The following DYNC1H1 variants were observed in gnomAD, a reference collection of about 807,000 sequenced individuals.
DYNC1H1 encodes the protein dynein cytoplasmic 1 heavy chain 1, also known as cytoplasmic dynein 1 heavy chain 1.
DYNC1H1 carries 51 observed loss-of-function variants against 527.1 expected under a neutral mutation model. The observed-to-expected ratio is 0.10, with a 90% CI of 0.08 to 0.12. The LOEUF (loss-of-function observed/expected upper bound fraction) is 0.12, where lower values mean the gene tolerates loss of function less well. DYNC1H1 is among the 10% of genes least tolerant of loss of function. DYNC1H1 has a pLI of 1.00. For missense variants in DYNC1H1, 2,771 were observed against 5,971.8 expected, an observed-to-expected ratio of 0.46 and a Z score of 17.66; for synonymous variants, 2,189 against 2,278.8, an observed-to-expected ratio of 0.96 and a Z score of 1.12.
At position 102,032,411 on chromosome 14, in the gene DYNC1H1, C is replaced by T; in HGVS notation, c.10023C>T (p.Ile3341=). Residue 3341 remains isoleucine (I), a synonymous_variant, in exon 52 of 78, where the codon ATC becomes ATT. Transcript: ENST00000360184. The part of the protein sequence containing the change: ...STTDWKQIRS[I]IMRENFIPTI... The stretch of plus-strand genomic sequence containing the variant: ...CAGACTGGAAGCAGATCCGCTCCAT[C>T]ATCATGCGGGAGAACTTCATCCCCA... 6.2e-7 allele frequency: 1 copy of T among 1,614,252 alleles called. No homozygotes were observed. Among genetic ancestry groups the T allele is most frequent in the Non-Finnish European group, 8.5e-7 (1 of 1,180,056 alleles).
intron 16 of DYNC1H1, among the ~76,000 whole-genome samples, chr14:101,999,666 T>C (rs1003021560): frequency 1.3e-5 from 2 of 152,242 alleles, no homozygotes; most frequent in Non-Finnish European, 2.9e-5. Flanking sequence ...GTTTGTCCTC[T>C]TCTATCACTG....
Position 101,986,468 on chromosome 14 carries a change from A to G in DYNC1H1, c.2243A>G (p.Lys748Arg). 1 of 1,614,192 alleles carries G rather than the reference A, an allele frequency of 6.2e-7. No individual in the cohort carries two copies. Among genetic ancestry groups the G allele is most frequent in the Non-Finnish European group, 8.5e-7 (1 of 1,180,036 alleles). Residue 748 changes from lysine to arginine, a missense_variant, in exon 8 of 78, where the codon AAA (lysine) becomes AGA (arginine). Physicochemically the swap from Lys to Arg is conservative, Grantham distance 26. Coordinates refer to ENST00000360184, the MANE Select transcript of DYNC1H1 (RefSeq NM_001376.5). This position sits in a 1 kb window ranked among gnomAD's most constrained non-coding sequence, Gnocchi z 8.7. ...NFLPEIITLS[K>R]EVRNLKWLGF... ...CTTCCTGAGATTATCACACTATCCAAAGAAGTCCGGAACCTCAAATGGCTT... is the reference window on the plus strand; with the variant it reads ...CTTCCTGAGATTATCACACTATCCAGAGAAGTCCGGAACCTCAAATGGCTT...
At position 101,986,897 on chromosome 14, in the gene DYNC1H1, GA is replaced by G; in HGVS notation, c.2538+135del. On this transcript the variant is annotated intron_variant, in intron 8 of 77. Transcript: ENST00000360184. This position sits in a 1 kb window ranked among gnomAD's most constrained non-coding sequence, Gnocchi z 8.7. ...GCATACGGCCATGTGAGCTGCAAGGGAGGAGGACCCTTTGTACTCACCGGGC... is the reference window on the plus strand; with the variant it reads ...GCATACGGCCATGTGAGCTGCAAGGGGGAGGACCCTTTGTACTCACCGGGC... 9.0e-7 allele frequency: 1 copy of G among 1,113,990 alleles called. No homozygotes were observed. The highest frequency in any genetic ancestry group is 1.4e-6 in the Non-Finnish European group (1 of 738,886). 69.0% of individuals were successfully genotyped at this position (1,113,990 alleles called of 1,614,324 possible).
chr14:102,049,434 C>T lies in DYNC1H1; in HGVS notation c.13373-6C>T. 1.9e-6 allele frequency: 3 copies of T among 1,613,966 alleles called. No homozygotes were observed. Among genetic ancestry groups the T allele is most frequent in the Non-Finnish European group, 2.5e-6 (3 of 1,180,024 alleles). The stretch of plus-strand genomic sequence containing the variant: ...ACACCCTGGGCTCTGTGTGCCTTGG[C>T]TGCAGGGATCTTGCCTCGGAGCTGG... On this transcript the variant is annotated splice_region_variant and splice_polypyrimidine_tract_variant and intron_variant, in intron 74 of 77. Transcript: ENST00000360184. The surrounding 1 kb of genome is among the most constrained non-coding windows in gnomAD (Gnocchi z 5.5).
At chr14:101,987,355 G>C in intron 8 of DYNC1H1, 98 bp from the exon 9 acceptor site, 1 of 1,326,182 alleles carries the variant, frequency 7.5e-7, no homozygotes, top group Non-Finnish European at 1.1e-6. Flanking sequence ...TGTGCCTGGA[G>C]CATTTGTCAA....
At chr14:101,966,624 T>C (rs1197876970) in intron 1 of DYNC1H1, among the ~76,000 whole-genome samples, 1 of 152,180 alleles carries the variant, frequency 6.6e-6, no homozygotes, top group African/African-American at 2.4e-5. Context: ...TAAAGTTAAT[T>C]GTATTTTGAG....
chr14:102,001,295 G>A lies in DYNC1H1; in HGVS notation c.4336G>A (p.Val1446Ile), dbSNP rs367614843. 15 of 1,614,106 alleles carry A rather than the reference G, an allele frequency of 9.3e-6. No individual in the cohort carries two copies. Among genetic ancestry groups the A allele is most frequent in the African/African-American group, 5.3e-5 (4 of 74,944 alleles). The change falls in exon 20 of 78, where the codon GTC becomes ATC. Residue 1446 changes from valine (V) to isoleucine (I), a missense_variant. Val to Ile is a conservative substitution (Grantham distance 29). This residue lies in a region of DYNC1H1 where 223 missense variants were observed against 462.5 expected (regional missense o/e 0.48). Coordinates refer to ENST00000360184, the MANE Select transcript of DYNC1H1 (RefSeq NM_001376.5). This position sits in a 1 kb window ranked among gnomAD's most constrained non-coding sequence, Gnocchi z 5.0. ...DVDLQKNEAI[V>I]KDVLLVAQGE... ...TGACTTGCAGAAAAATGAAGCGATTGTCAAGGATGTACTGCTTGTGGCACA... is the reference window on the plus strand; with the variant it reads ...TGACTTGCAGAAAAATGAAGCGATTATCAAGGATGTACTGCTTGTGGCACA...
chr14:101,974,573 T>A (rs554451132), intron 1 of DYNC1H1, among the ~76,000 whole-genome samples: 1 of 152,354 alleles, frequency 6.6e-6, no homozygotes, highest in Admixed American at 6.5e-5. Context: ...GATGTAGAGG[T>A]TTAGATTATT....
chr14:102,033,778 C>A lies in DYNC1H1; in HGVS notation c.10414-198C>A. The A allele has an allele frequency of 1.4e-6, 1 of 705,726 alleles. No homozygotes were observed. The highest frequency in any genetic ancestry group is 2.4e-6 in the Non-Finnish European group (1 of 416,760). The allele number at this position is 705,726 out of a possible 1,614,324, so 43.7% of individuals were successfully genotyped here. A position where few individuals can be genotyped will look rare whatever the true frequency, so the allele number is the denominator to read the frequency against. ...GCCTCGCTCCGTACCCAGCTTCTGC[C>A]CCGCTGAGATTCTGAGTCGTGTGTG... On this transcript the variant is annotated intron_variant, in intron 54 of 77. Coordinates refer to ENST00000360184, the MANE Select transcript of DYNC1H1 (RefSeq NM_001376.5). The surrounding 1 kb of genome is among the most constrained non-coding windows in gnomAD (Gnocchi z 5.6).
rs903336384 is a variant in DYNC1H1, at chr14:102,042,208, A to G, written c.12215-20A>G. ...GATGTCCGAGGCTGCCGCTGCTAAC[A>G]CTAAGTTTCCCTGCACCAGGCTCTG... On this transcript the variant is annotated intron_variant, in intron 66 of 77. Transcript: ENST00000360184. The surrounding 1 kb of genome is among the most constrained non-coding windows in gnomAD (Gnocchi z 5.7). 7.4e-6 allele frequency: 12 copies of G among 1,613,878 alleles called. No homozygotes were observed. The highest frequency in any genetic ancestry group is 1.3e-5 in the African/African-American group (1 of 74,862).
In DYNC1H1 at chr14:101,997,337, C is replaced by G. The variant is rs930964462; in HGVS notation, c.3804+63C>G. On this transcript the variant is annotated intron_variant, in intron 16 of 77. Coordinates refer to ENST00000360184, the MANE Select transcript of DYNC1H1 (RefSeq NM_001376.5). This position sits in a 1 kb window ranked among gnomAD's most constrained non-coding sequence, Gnocchi z 4.8. Reference sequence around the variant, plus strand: ...CCCAGCAGTGTGATTTGGTGACTTTCTTTCAAGCCTAAAAGGCCTTGCTGT... The same window carrying G: ...CCCAGCAGTGTGATTTGGTGACTTTGTTTCAAGCCTAAAAGGCCTTGCTGT... The G allele has an allele frequency of 7.4e-6, 12 of 1,611,384 alleles. No homozygotes were observed. The highest frequency in any genetic ancestry group is 1.0e-5 in the Non-Finnish European group (12 of 1,179,370).
At position 102,019,912 on chromosome 14, in the gene DYNC1H1, C is replaced by T; in HGVS notation, c.8363C>T (p.Thr2788Ile). 1 of 1,614,196 alleles carries T rather than the reference C, an allele frequency of 6.2e-7. No individual in the cohort carries two copies. The highest frequency in any genetic ancestry group is 8.5e-7 in the Non-Finnish European group (1 of 1,180,030). The change falls in exon 42 of 78, where the codon ACA (threonine) becomes ATA (isoleucine). Residue 2788 changes from threonine (T) to isoleucine (I), a missense_variant. This residue lies in a region of DYNC1H1 where 163 missense variants were observed against 346.9 expected (regional missense o/e 0.47). Transcript: ENST00000360184. ...TMSQERFTQD[T>I]QPHYIYSPRE... is the part of the protein sequence containing the mutation. ...CCATAGGAGAGATTCACCCAGGATA[C>T]ACAACCTCACTATATCTATTCACCC... is the stretch of plus-strand genomic sequence containing the variant.
intron 72 of DYNC1H1, chr14:102,045,302 C>CAA (rs34968643): frequency 1.7e-4 from 15 of 87,692 alleles, no homozygotes; most frequent in African/African-American, 3.1e-4. Context: ...GACTCTGTCT[C>CAA]AAAAAAAAAA....
rs570911211 is a variant in DYNC1H1 at position 102,020,576 on chromosome 14, G to A, written c.8507+520G>A. 3.9e-5 allele frequency among the ~76,000 whole-genome samples: 6 copies of A among 152,210 alleles called. No individual in the cohort carries two copies. The South Asian group carries it at 8.3e-4, about 21-fold the overall frequency. The stretch of plus-strand genomic sequence containing the variant: ...AAAGGCTTTGCAGCTGCAGCTCTGG[G>A]GCACTGGTTTTCTCTTTTACCTGTT... On this transcript the variant is annotated intron_variant, in intron 42 of 77. Transcript: ENST00000360184. The surrounding 1 kb of genome is among the most constrained non-coding windows in gnomAD (Gnocchi z 4.3).
Position 102,027,920 on chromosome 14 carries a change from A to G in DYNC1H1, c.9264-17A>G, listed in dbSNP as rs1417721819. On this transcript the variant is annotated splice_polypyrimidine_tract_variant and intron_variant, in intron 47 of 77. Transcript: ENST00000360184. This position sits in a 1 kb window ranked among gnomAD's most constrained non-coding sequence, Gnocchi z 7.7. ...CTGCCCCTCATAGCTGTCCTGAAAC[A>G]TGGGCCTCTTTCTCAGGTGTGTGTT... is the stretch of plus-strand genomic sequence containing the variant. 6.2e-7 allele frequency: 1 copy of G among 1,614,064 alleles called. No homozygotes were observed. Among genetic ancestry groups the G allele is most frequent in the Non-Finnish European group, 8.5e-7 (1 of 1,180,040 alleles).
In DYNC1H1 at chr14:101,986,933, G is replaced by T. The variant is rs1016277388; in HGVS notation, c.2538+170G>T. Reference sequence around the variant, plus strand: ...TTTGTACTCACCGGGCTATTTAATGGTGCTGGGTTTTAGGGAGGCCATTAA... The same window carrying T: ...TTTGTACTCACCGGGCTATTTAATGTTGCTGGGTTTTAGGGAGGCCATTAA... On this transcript the variant is annotated intron_variant, in intron 8 of 77. Coordinates refer to ENST00000360184, the MANE Select transcript of DYNC1H1 (RefSeq NM_001376.5). The surrounding 1 kb of genome is among the most constrained non-coding windows in gnomAD (Gnocchi z 8.7). 6.6e-6 allele frequency among the ~76,000 whole-genome samples: 1 copy of T among 152,228 alleles called. No homozygotes were observed. The highest frequency in any genetic ancestry group is 1.5e-5 in the Non-Finnish European group (1 of 68,042).
At position 102,038,478 on chromosome 14, in the gene DYNC1H1, C is replaced by T. The variant is rs1382922601; in HGVS notation, c.10927C>T (p.Pro3643Ser). The change falls in exon 58 of 78, where the codon CCA (proline) becomes TCA (serine). Residue 3643 changes from proline to serine, a missense_variant. Physicochemically the swap from Pro to Ser is moderately conservative, Grantham distance 74 (BLOSUM62 -1). This residue lies in a region of DYNC1H1 where 283 missense variants were observed against 737.6 expected (regional missense o/e 0.38). Coordinates refer to ENST00000360184, the MANE Select transcript of DYNC1H1 (RefSeq NM_001376.5). This position sits in a 1 kb window ranked among gnomAD's most constrained non-coding sequence, Gnocchi z 7.2. ...AATGCAGGATGTGGAAAGCTACGAT[C>T]CAGTTTTGAACCCGGTGCTGAACCG... ...LLVQDVESYD[P>S]VLNPVLNREV... 6.2e-7 allele frequency: 1 copy of T among 1,613,972 alleles called. No homozygotes were observed. The highest frequency in any genetic ancestry group is 8.5e-7 in the Non-Finnish European group (1 of 1,180,046).
intron 34 of DYNC1H1, among the ~76,000 whole-genome samples, chr14:102,013,490 A>G (rs1386179516): frequency 1.4e-5 from 2 of 147,092 alleles, no homozygotes; most frequent in Non-Finnish European, 3.0e-5. Context: ...GCAAAGGAAC[A>G]CACAGCAGGA....
chr14:101,970,724 C>T (rs529932312), intron 1 of DYNC1H1, among the ~76,000 whole-genome samples: 1 of 152,142 alleles, frequency 6.6e-6, no homozygotes, highest in South Asian at 2.1e-4. Context: ...CTCAGGTGAT[C>T]CGCCCGCCTC....
Sources: allele counts gnomAD v4.1 joint callset (sites outside exome capture counted in the v4.1 genomes callset), GRCh38; gene constraint gnomAD v4.1.1; regional missense constraint gnomAD v4.1.1; non-coding constraint Gnocchi (gnomAD v3.1); transcripts MANE v1.5; gene names NCBI Gene and HGNC (gene_info 2026-07-23, HGNC 2026-07-21).